The following SYNE1 variants were observed in gnomAD, a reference collection of about 807,000 sequenced individuals.
SYNE1 encodes the protein spectrin repeat containing nuclear envelope protein 1.
SYNE1 carries 616 observed loss-of-function variants against 1,111.0 expected under a neutral mutation model. That is an observed-to-expected ratio of 0.55 (90% CI 0.52 to 0.59). SYNE1 has a LOEUF of 0.59. Among genes scored for constraint, SYNE1 ranks in the 20% least tolerant of loss-of-function variants. The pLI, the probability that SYNE1 is intolerant of heterozygous loss-of-function variation, is 0.00. For missense variants in SYNE1, 10,006 were observed against 10,417.0 expected (o/e 0.96, Z 1.72); for synonymous variants, 3,855 against 3,825.8 (o/e 1.01, Z -0.28).
intron 12 of SYNE1, among the ~76,000 whole-genome samples, chr6:152,486,948 A>G (rs187275862): frequency 2.6e-5 from 4 of 152,354 alleles, no homozygotes; most frequent in Non-Finnish European, 4.4e-5. Context: ...ATAATTCAGA[A>G]TATACTATAT....
At chr6:152,133,220 T>C (rs1161144520) in intron 143 of SYNE1, 56 bp downstream of exon 143, 44 of 1,498,656 alleles carry the variant, frequency 2.9e-5, no homozygotes, top group Middle Eastern at 1.7e-4. Context: ...ATGAAGATGA[T>C]GCTTCTTTGG....
chr6:152,154,142 T>TA (rs1032878640), intron 133 of SYNE1, among the ~76,000 whole-genome samples: 1 of 152,170 alleles, frequency 6.6e-6, no homozygotes, highest in Non-Finnish European at 1.5e-5. Context: ...CCTTCAAATT[T>TA]AAAAATGGTC....
chr6:152,384,013 T>C (rs1012048517), intron 55 of SYNE1, among the ~76,000 whole-genome samples: 2 of 152,234 alleles, frequency 1.3e-5, no homozygotes, highest in African/African-American at 2.4e-5. Context: ...TAATCAATCA[T>C]TTACCAAATC....
At chr6:152,295,449 T>C (rs968806637) in intron 93 of SYNE1, among the ~76,000 whole-genome samples, 2 of 152,200 alleles carry the variant, frequency 1.3e-5, no homozygotes, top group African/African-American at 4.8e-5. Context: ...CACACCCTTG[T>C]ATGCTGTCAT....
At chr6:152,253,853 T>TG (rs2090136762) in intron 104 of SYNE1, among the ~76,000 whole-genome samples, 2 of 118,842 alleles carry the variant, frequency 1.7e-5, no homozygotes, top group Non-Finnish European at 3.3e-5. Flanking sequence ...TTTTTTTTTT[T>TG]TTTTTTTGCA....
At chr6:152,307,562 T>C (rs915600301) in intron 91 of SYNE1, among the ~76,000 whole-genome samples, 1 of 151,928 alleles carries the variant, frequency 6.6e-6, no homozygotes, top group African/African-American at 2.4e-5. Flanking sequence ...TTGACCTATA[T>C]GGAATTGACA....
At chr6:152,526,582 T>C (rs1264341517) in intron 4 of SYNE1, among the ~76,000 whole-genome samples, 4 of 152,224 alleles carry the variant, frequency 2.6e-5, no homozygotes. Flanking sequence ...CTTAACTTTG[T>C]GCAAGACACA....
intron 3 of SYNE1, among the ~76,000 whole-genome samples, chr6:152,595,368 C>T (rs1163419572): frequency 6.6e-6 from 1 of 152,226 alleles, no homozygotes; most frequent in Non-Finnish European, 1.5e-5. Flanking sequence ...TCCAGATACA[C>T]TGGTTCAATT....
Position 152,239,683 on chromosome 6 carries a change from A to G in SYNE1, c.19917T>C (p.Ser6639=). The part of the protein sequence containing the change: ...KHKEYFQGLE[S]HMILTETLFR... ...AGAGTGTTTCAGTCAAGATCATATG[A>G]GATTCCAGGCCCTGAAAGTATTCCT... Residue 6639 remains serine (S), a synonymous_variant, in exon 108 of 146, where the codon TCT becomes TCC. Transcript: ENST00000367255. 6.2e-7 allele frequency: 1 copy of G among 1,614,226 alleles called. No individual in the cohort carries two copies. The highest frequency in any genetic ancestry group is 8.5e-7 in the Non-Finnish European group (1 of 1,180,038).
chr6:152,481,474 G>A (rs1215061031), intron 14 of SYNE1: 1 of 366,436 alleles, frequency 2.7e-6, no homozygotes, highest in South Asian at 2.2e-5. Context: ...TAGGTAACAG[G>A]TACACTAGAA....
intron 21 of SYNE1, 50 bp downstream of exon 21, chr6:152,461,547 A>T (rs763616469): frequency 1.8e-5 from 29 of 1,612,776 alleles, no homozygotes; most frequent in Non-Finnish European, 2.3e-5. Context: ...AGCAAGCTGA[A>T]GGCACTGTTG....
chr6:152,218,657 C>A (rs760624220), intron 120 of SYNE1, among the ~76,000 whole-genome samples: 1 of 152,146 alleles, frequency 6.6e-6, no homozygotes, highest in Non-Finnish European at 1.5e-5. Context: ...AATACATGAT[C>A]AAACAACACG....
chr6:152,572,435 A>C (rs818440), intron 3 of SYNE1, among the ~76,000 whole-genome samples: 115,542 of 151,994 alleles, frequency 0.76, 44,020 homozygotes, highest in African/African-American at 0.81. Context: ...ATTTCCTATG[A>C]CTTATGGGAG....
At chr6:152,327,621 A>C (rs1272948387) in intron 78 of SYNE1, among the ~76,000 whole-genome samples, 1 of 152,196 alleles carries the variant, frequency 6.6e-6, no homozygotes, top group Non-Finnish European at 1.5e-5. Flanking sequence ...GGGACAGCAA[A>C]GCATAGAATC....
chr6:152,277,037 C>T (rs2093672438), intron 98 of SYNE1, among the ~76,000 whole-genome samples: 1 of 150,912 alleles, frequency 6.6e-6, no homozygotes, highest in African/African-American at 2.4e-5. Context: ...ACTACAGGCG[C>T]CCACCACTAT....
intron 39 of SYNE1, among the ~76,000 whole-genome samples, 188 bp from the exon 40 acceptor site, chr6:152,419,910 TTGCCA>T (rs1337123732): frequency 6.6e-6 from 1 of 152,248 alleles, no homozygotes; most frequent in East Asian, 1.9e-4. Context: ...TCAGTGAACA[TTGCCA>T]CCATTCACCC....
At chr6:152,166,065 C>T (rs987178938) in intron 130 of SYNE1, among the ~76,000 whole-genome samples, 22 of 152,178 alleles carry the variant, frequency 1.4e-4, no homozygotes, top group African/African-American at 5.1e-4. Flanking sequence ...CTTCAGATTT[C>T]GTAGGATCTG....
chr6:152,213,575 A>G (rs770943191), intron 123 of SYNE1, 37 bp downstream of exon 123: 1 of 1,613,240 alleles, frequency 6.2e-7, no homozygotes, highest in Non-Finnish European at 8.5e-7. Flanking sequence ...GGGCCTAAAA[A>G]TTTCTTATTA....
In SYNE1 at chr6:152,526,126, C is replaced by T; in HGVS notation, c.179G>A (p.Gly60Asp). 1.1e-5 allele frequency: 17 copies of T among 1,614,102 alleles called. No homozygotes were observed. The highest frequency in any genetic ancestry group is 1.4e-5 in the Non-Finnish European group (17 of 1,179,986). The change falls in exon 5 of 146, where the codon GGT becomes GAT. Residue 60 changes from glycine (G) to aspartate (D), a missense_variant. This residue lies in a region of SYNE1 where 1,971 missense variants were observed against 2,084.1 expected (regional missense o/e 0.95). Coordinates refer to ENST00000367255, the MANE Select transcript of SYNE1 (RefSeq NM_182961.4). ...VDDLFEDMKD[G>D]VKLLALLEVL... The stretch of plus-strand genomic sequence containing the variant: ...CTCCAGAAGGGCAAGCAGTTTAACA[C>T]CATCTTTCATGTCTTCAAAAAGATC...
Sources: gnomAD v4.1 joint callset for allele counts (sites outside exome capture counted in the v4.1 genomes callset) on GRCh38, gnomAD v4.1.1 for gene constraint, gnomAD v4.1.1 regional missense constraint, MANE v1.5 for transcripts, NCBI Gene and HGNC (gene_info 2026-07-23, HGNC 2026-07-21) for gene names.